GLYR1: variants seen among roughly 807,000 people sequenced by gnomAD.
GLYR1 encodes glyoxylate reductase 1 homolog.
Under a neutral mutation model 72.7 loss-of-function variants are expected in GLYR1, and 21 were observed. The observed-to-expected ratio is 0.29, with a 90% confidence interval of 0.20 to 0.42. The LOEUF (loss-of-function observed/expected upper bound fraction) is 0.42. Among genes scored for constraint, GLYR1 ranks in the 10% least tolerant of loss-of-function variants. The probability of loss-of-function intolerance (pLI) is 1.00; values close to 1 mark genes in which losing one functional copy is unlikely to be tolerated. For missense variants in GLYR1, 594 were observed against 712.1 expected (o/e 0.83, Z 1.89); for synonymous variants, 392 against 270.2 (o/e 1.45, Z -4.42).
chr16:4,818,921 C>T (rs1462019614), intron 9 of GLYR1, among the ~76,000 whole-genome samples: 1 of 152,136 alleles, frequency 6.6e-6, no homozygotes, highest in Non-Finnish European at 1.5e-5. Context: ...GACAGAAGCA[C>T]TCATTGGCCA....
chr16:4,813,870 A>G, intron 11 of GLYR1, 32 bp from the exon 12 acceptor site: 1 of 1,560,236 alleles, frequency 6.4e-7, no homozygotes, highest in Non-Finnish European at 8.7e-7. Context: ...GCAATAGCCC[A>G]GGCTCCCGGG....
chr16:4,834,295 CTTTT>C (rs778256795), intron 3 of GLYR1, among the ~76,000 whole-genome samples: 3 of 118,340 alleles, frequency 2.5e-5, no homozygotes, highest in African/African-American at 7.1e-5. Flanking sequence ...AGGCAAATTC[CTTTT>C]TTTTTTTTTT....
chr16:4,809,561 G>A (rs1182284305), intron 15 of GLYR1, among the ~76,000 whole-genome samples: 3 of 148,188 alleles, frequency 2.0e-5, no homozygotes, highest in African/African-American at 7.5e-5. Flanking sequence ...GCAGTGAGCC[G>A]AGATCGTGCC....
rs576684937 is a variant in GLYR1 at position 4,832,333 on chromosome 16, A to G, written c.295-112T>C. The G allele has an allele frequency of 2.6e-5, 34 of 1,296,402 alleles. No homozygotes were observed. In the Middle Eastern group the frequency reaches 5.7e-4, roughly 22 times the overall value. 80.3% of individuals were successfully genotyped at this position (1,296,402 alleles called of 1,614,324 possible). On this transcript the variant is annotated intron_variant, in intron 4 of 15. Coordinates refer to ENST00000321919, the MANE Select transcript of GLYR1 (RefSeq NM_032569.4). ...CAGGCACTCTGTGTGGTCTCCTCACAATGACCCTAGAAATAGATTCTGCTG... is the reference window on the plus strand; with the variant it reads ...CAGGCACTCTGTGTGGTCTCCTCACGATGACCCTAGAAATAGATTCTGCTG...
intron 15 of GLYR1, 50 bp downstream of exon 15, chr16:4,811,120 A>T (rs772406339): frequency 4.0e-5 from 62 of 1,566,444 alleles, no homozygotes; most frequent in Non-Finnish European, 5.0e-5. Context: ...AAAAAAAAAG[A>T]AAGAAAAAGA....
chr16:4,847,172 C>T (rs542060837), intron 1 of GLYR1, 56 bp downstream of exon 1: 2 of 1,527,270 alleles, frequency 1.3e-6, no homozygotes, highest in East Asian at 2.3e-5. Context: ...GCGAACCCCG[C>T]GCCCAGGCGG....
intron 15 of GLYR1, among the ~76,000 whole-genome samples, chr16:4,809,611 C>CAA (rs1245851187): frequency 2.4e-4 from 19 of 80,220 alleles, no homozygotes; most frequent in East Asian, 1.6e-3. Context: ...AACTCCGTCT[C>CAA]AAAAAAAAAA....
rs145988049 is a variant in GLYR1 at position 4,839,283 on chromosome 16, G to A, written c.155+5791C>T. 828 of 152,410 alleles carry A rather than the reference G, an allele frequency of 5.4e-3. 9 individuals are homozygous for A. The highest frequency in any genetic ancestry group is 0.019 in the African/African-American group (788 of 41,538). The allele number at this position is 152,410 out of a possible 1,614,324, so 9.4% of individuals were successfully genotyped here. On this transcript the variant is annotated intron_variant, in intron 3 of 15. Coordinates refer to ENST00000321919, the MANE Select transcript of GLYR1 (RefSeq NM_032569.4). ...TTATTTTTAAATTTTTTGTAGAGAT[G>A]GGTCTTGCCATGTTACCCAGGCTGG...
chr16:4,832,894 T>C lies in GLYR1; in HGVS notation c.174A>G (p.Glu58=), dbSNP rs1302294314. 6.2e-7 allele frequency: 1 copy of C among 1,612,160 alleles called. No individual in the cohort carries two copies. Among genetic ancestry groups the C allele is most frequent in the Admixed American group, 1.7e-5 (1 of 59,690 alleles). ...GTEDHAWIKV[E]QLKPYHAHKE... Reference sequence around the variant, plus strand: ...TATGAGCATGATATGGCTTCAGCTGTTCCACTTTGATCCAGGCACTAGCAG... The same window carrying C: ...TATGAGCATGATATGGCTTCAGCTGCTCCACTTTGATCCAGGCACTAGCAG... The change falls in exon 4 of 16, where the codon GAA becomes GAG. Residue 58 remains glutamate, a synonymous_variant. Coordinates refer to ENST00000321919, the MANE Select transcript of GLYR1 (RefSeq NM_032569.4).
intron 12 of GLYR1, among the ~76,000 whole-genome samples, chr16:4,812,867 G>A (rs1168762383): frequency 6.6e-6 from 1 of 151,532 alleles, no homozygotes; most frequent in Non-Finnish European, 1.5e-5. Context: ...CGCAATCTCA[G>A]CTCACTGCAA....
chr16:4,807,571 C>G (rs1034531635), intron 15 of GLYR1, among the ~76,000 whole-genome samples: 2 of 152,306 alleles, frequency 1.3e-5, no homozygotes, highest in Middle Eastern at 3.4e-3. Flanking sequence ...AACCTAACCT[C>G]TGAACTCCTA....
At chr16:4,837,932 A>AAAATAAATAAATAAAT (rs59357306) in intron 3 of GLYR1, among the ~76,000 whole-genome samples, 2 of 142,422 alleles carry the variant, frequency 1.4e-5, no homozygotes, top group African/African-American at 2.7e-5. Flanking sequence ...TCCATCTCAA[A>AAAATAAATAAATAAAT]AAATAAATAA....
At chr16:4,846,898 A>G (rs1306724555) in intron 1 of GLYR1, 2 of 405,096 alleles carry the variant, frequency 4.9e-6, no homozygotes, top group South Asian at 6.1e-5. Flanking sequence ...AAGCCCCAAC[A>G]AGACCCCGGG....
intron 15 of GLYR1, among the ~76,000 whole-genome samples, chr16:4,808,746 G>C (rs1038714448): frequency 1.6e-4 from 24 of 149,810 alleles, no homozygotes; most frequent in African/African-American, 5.9e-4. Flanking sequence ...TTTTTTTTTA[G>C]ATTCAAATTC....
chr16:4,826,851 T>G (rs1281725173), intron 5 of GLYR1, among the ~76,000 whole-genome samples: 1 of 152,176 alleles, frequency 6.6e-6, no homozygotes, highest in Non-Finnish European at 1.5e-5. Flanking sequence ...GGTGCAGCCC[T>G]AGGACTCACC....
chr16:4,837,305 C>T (rs1375486016), intron 3 of GLYR1, among the ~76,000 whole-genome samples: 2 of 152,132 alleles, frequency 1.3e-5, no homozygotes, highest in South Asian at 2.1e-4. Flanking sequence ...TGGTAGCACA[C>T]GTCTGTAATC....
chr16:4,845,009 G>A (rs1157827344), intron 3 of GLYR1, 65 bp downstream of exon 3: 17 of 1,028,756 alleles, frequency 1.7e-5, no homozygotes, highest in East Asian at 2.4e-5. Context: ...TATTTTCAAA[G>A]CAGCTCAGAC....
At chr16:4,833,615 C>G (rs1189079373) in intron 3 of GLYR1, among the ~76,000 whole-genome samples, 1 of 144,154 alleles carries the variant, frequency 6.9e-6, no homozygotes, top group Admixed American at 7.0e-5. Flanking sequence ...CATTTAAAAA[C>G]AAGATGGCAT....
Position 4,826,509 on chromosome 16 carries a change from G to A in GLYR1, c.538-2602C>T, listed in dbSNP as rs562827973. ...ACTCTACAACCCATGCTGCCATACA[G>A]TCCAGGTTCAATTCTTACTGAAGGA... On this transcript the variant is annotated intron_variant, in intron 5 of 15. Coordinates refer to ENST00000321919, the MANE Select transcript of GLYR1 (RefSeq NM_032569.4). Among the ~76,000 whole-genome samples, 7 of 152,324 alleles carry A rather than the reference G, an allele frequency of 4.6e-5. 1 individual carries two copies. In the South Asian group the frequency reaches 1.2e-3, roughly 27 times the overall value.
Sources: allele counts gnomAD v4.1 joint callset (sites outside exome capture counted in the v4.1 genomes callset), GRCh38; gene constraint gnomAD v4.1.1; transcripts MANE v1.5; gene names NCBI Gene and HGNC (gene_info 2026-07-23, HGNC 2026-07-21).